Variants in CNTLN observed in about 807,000 individuals in gnomAD.
The protein encoded by CNTLN is centlein.
Under a neutral mutation model 180.0 loss-of-function variants are expected in CNTLN, and 212 were observed. The observed-to-expected ratio is 1.18, with a 90% CI of 1.05 to 1.32. The LOEUF (loss-of-function observed/expected upper bound fraction) is 1.32, where lower values mean the gene tolerates loss of function less well. CNTLN is among the 40% of genes most tolerant of loss of function. The pLI is 0.00. For missense variants in CNTLN, 2,095 were observed against 1,610.9 expected, an observed-to-expected ratio of 1.30 and a Z score of -5.14; for synonymous variants, 722 against 563.1, an observed-to-expected ratio of 1.28 and a Z score of -3.99.
intron 5 of CNTLN, among the ~76,000 whole-genome samples, chr9:17,242,140 A>C (rs1405956776): frequency 6.6e-6 from 1 of 152,160 alleles, no homozygotes; most frequent in East Asian, 1.9e-4. Flanking sequence ...TCAAGCTTTC[A>C]GCTTTTCCAC....
At chr9:17,328,271 T>A (rs1200513205) in intron 8 of CNTLN, among the ~76,000 whole-genome samples, 2 of 152,196 alleles carry the variant, frequency 1.3e-5, no homozygotes, top group Non-Finnish European at 2.9e-5. Flanking sequence ...TCTAGAAAAT[T>A]GATAGCAGAT....
the CNTLN span, among the ~76,000 whole-genome samples, chr9:17,518,282 C>T: frequency 4.0e-5 from 6 of 151,870 alleles, no homozygotes; most frequent in Admixed American, 2.6e-4. Flanking sequence ...CTCCTGACCT[C>T]GTGATCTGCC....
intron 25 of CNTLN, 151 bp downstream of exon 25, chr9:17,487,217 A>C (rs754578288): frequency 1.5e-6 from 1 of 654,232 alleles, no homozygotes; most frequent in Non-Finnish European, 2.7e-6. Context: ...AGGAAAGTTA[A>C]CCCTCTATTT....
At chr9:17,338,801 T>C (rs928992954) in intron 10 of CNTLN, among the ~76,000 whole-genome samples, 1 of 152,176 alleles carries the variant, frequency 6.6e-6, no homozygotes, top group African/African-American at 2.4e-5. Context: ...ATTTTGAAGA[T>C]GGATAACCTG....
At chr9:17,321,475 T>G (rs887771999) in intron 8 of CNTLN, among the ~76,000 whole-genome samples, 1 of 152,142 alleles carries the variant, frequency 6.6e-6, no homozygotes, top group Non-Finnish European at 1.5e-5. Flanking sequence ...CAATAAATGC[T>G]TTTTGAATGA....
intron 1 of CNTLN, 90 bp downstream of exon 1, chr9:17,135,515 C>A (rs1288607339): frequency 1.4e-6 from 2 of 1,435,724 alleles, no homozygotes; most frequent in Admixed American, 2.5e-5. Flanking sequence ...GCCTTGGGAC[C>A]TACCCCGCCC....
At chr9:17,439,614 C>T (rs1829989833) in intron 18 of CNTLN, among the ~76,000 whole-genome samples, 2 of 152,152 alleles carry the variant, frequency 1.3e-5, no homozygotes, top group South Asian at 4.1e-4. Context: ...GTCTAAGAAT[C>T]ACAGAGCTAA....
rs145860444 is a variant in CNTLN, at chr9:17,431,062, T to C, written c.3114+14873T>C. On this transcript the variant is annotated intron_variant, in intron 18 of 25. Coordinates refer to ENST00000380647, the MANE Select transcript of CNTLN (RefSeq NM_017738.4). ...ACTGATTTCATTTCCTTTAGCTGTA[T>C]ACCCCAGTAATGGGATTCTTGGATC... Among the ~76,000 whole-genome samples, 1,104 of 152,232 alleles carry C rather than the reference T, an allele frequency of 7.3e-3. 13 individuals are homozygous for C. Among genetic ancestry groups the C allele is most frequent in the African/African-American group, 0.025 (1,024 of 41,570 alleles).
intron 12 of CNTLN, among the ~76,000 whole-genome samples, chr9:17,363,671 G>A (rs1823584872): frequency 6.6e-6 from 1 of 151,628 alleles, no homozygotes; most frequent in African/African-American, 2.4e-5. Context: ...GTTTAACTAT[G>A]GTATCTTTGA....
chr9:17,366,690 A>G lies in CNTLN; in HGVS notation c.1960A>G (p.Asn654Asp). The stretch of plus-strand genomic sequence containing the variant: ...TGATAAGGCAGCAATACAAGAATTG[A>G]ATAGATGTGTGGCAGAGAGAAGAGA... ...SIDKAAIQEL[N>D]RCVAERREEQ... Residue 654 changes from asparagine to aspartate, a missense_variant, in exon 13 of 26, where the codon AAT becomes GAT. Asn to Asp is a conservative substitution (Grantham distance 23). Transcript: ENST00000380647. The G allele has an allele frequency of 1.9e-6, 3 of 1,583,444 alleles. No homozygotes were observed. Among genetic ancestry groups the G allele is most frequent in the Non-Finnish European group, 2.6e-6 (3 of 1,159,460 alleles).
At chr9:17,276,427 C>G (rs905595986) in intron 6 of CNTLN, among the ~76,000 whole-genome samples, 3 of 152,012 alleles carry the variant, frequency 2.0e-5, no homozygotes, top group African/African-American at 7.2e-5. Context: ...AAAAAGTGGT[C>G]TAGGCACTTT....
At chr9:17,304,204 C>T (rs1339356058) in intron 7 of CNTLN, among the ~76,000 whole-genome samples, 5 of 152,094 alleles carry the variant, frequency 3.3e-5, no homozygotes, top group East Asian at 1.9e-4. Context: ...CAGAGCTCTC[C>T]GTAACAAATC....
At chr9:17,469,818 G>A (rs1477346256) in intron 23 of CNTLN, among the ~76,000 whole-genome samples, 1 of 150,564 alleles carries the variant, frequency 6.6e-6, no homozygotes, top group Non-Finnish European at 1.5e-5. Context: ...GTAGTTAAGA[G>A]GATAGAGCTC....
rs1423090849 is a variant in CNTLN, at chr9:17,301,285, A to G, written c.1146+2933A>G. On this transcript the variant is annotated intron_variant, in intron 7 of 25. Coordinates refer to ENST00000380647, the MANE Select transcript of CNTLN (RefSeq NM_017738.4). ...TAACCTAAATTGTGATCTGGGGTAC[A>G]TTTTGAAACCGTAAACACTTTTCTT... 5 of 985,330 alleles carry G rather than the reference A, an allele frequency of 5.1e-6. No homozygotes were observed. In the African/African-American group the frequency reaches 7.0e-5, roughly 14 times the overall value. 61.0% of individuals were successfully genotyped at this position (985,330 alleles called of 1,614,324 possible).
chr9:17,198,488 G>A lies in CNTLN; in HGVS notation c.450-27715G>A, dbSNP rs567812872. On this transcript the variant is annotated intron_variant, in intron 2 of 25. Transcript: ENST00000380647. ...CTTCTTTGGTTAAGTGAATTCCTAGGTATTTACTTTTATTTGTAATCATTG... is the reference window on the plus strand; with the variant it reads ...CTTCTTTGGTTAAGTGAATTCCTAGATATTTACTTTTATTTGTAATCATTG... 8.1e-4 allele frequency among the ~76,000 whole-genome samples: 114 copies of A among 140,142 alleles called. 1 individual carries two copies. Among genetic ancestry groups the A allele is most frequent in the African/African-American group, 2.8e-3 (104 of 37,776 alleles). 91.9% of individuals were successfully genotyped at this position (140,142 alleles called of 152,430 possible).
chr9:17,330,877 A>T, intron 9 of CNTLN, 69 bp downstream of exon 9: 3 of 1,366,252 alleles, frequency 2.2e-6, no homozygotes, highest in Non-Finnish European at 3.0e-6. Context: ...GAAGTTAAAA[A>T]ACAAATGGCA....
At chr9:17,465,753 A>G (rs920947320) in intron 21 of CNTLN, among the ~76,000 whole-genome samples, 1 of 151,224 alleles carries the variant, frequency 6.6e-6, no homozygotes, top group African/African-American at 2.4e-5. Context: ...GAATAAACAT[A>G]CCAGTATTCA....
At chr9:17,417,991 A>T (rs948183099) in intron 18 of CNTLN, among the ~76,000 whole-genome samples, 1 of 152,048 alleles carries the variant, frequency 6.6e-6, no homozygotes, top group Non-Finnish European at 1.5e-5. Flanking sequence ...AATTACTTTC[A>T]TATGAATTTC....
intron 6 of CNTLN, among the ~76,000 whole-genome samples, chr9:17,277,692 T>C (rs939870171): frequency 3.6e-4 from 54 of 152,090 alleles, no homozygotes; most frequent in Non-Finnish European, 7.6e-4. Context: ...GGTGGATACA[T>C]GGTCAGTATA....
Sources: gnomAD v4.1 joint callset for allele counts (sites outside exome capture counted in the v4.1 genomes callset) on GRCh38, gnomAD v4.1.1 for gene constraint, MANE v1.5 for transcripts, NCBI Gene and HGNC (gene_info 2026-07-23, HGNC 2026-07-21) for gene names.